TOM1L2: variants seen among roughly 807,000 people sequenced by gnomAD.
The protein encoded by TOM1L2 is TOM1-like protein 2.
TOM1L2 carries 31 observed loss-of-function variants against 67.9 expected under a neutral mutation model. The observed-to-expected ratio is 0.46, with a 90% CI of 0.34 to 0.62. The LOEUF (loss-of-function observed/expected upper bound fraction) is 0.62. Ranked by LOEUF, TOM1L2 falls within the 20% of genes least tolerant of loss-of-function variation. The probability of loss-of-function intolerance (pLI) is 0.01; values close to 1 mark genes in which losing one functional copy is unlikely to be tolerated. For synonymous variants in TOM1L2, 256 were observed against 254.0 expected (o/e 1.01, Z -0.07); for missense variants, 606 against 663.5 (o/e 0.91, Z 0.95).
At chr17:17,903,992 T>C (rs1190113477) in intron 2 of TOM1L2, among the ~76,000 whole-genome samples, 1 of 151,580 alleles carries the variant, frequency 6.6e-6, no homozygotes, top group Non-Finnish European at 1.5e-5. Context: ...CAGGAAGAGA[T>C]TATTATTATT....
chr17:17,923,873 G>A (rs1376849568), intron 1 of TOM1L2, among the ~76,000 whole-genome samples: 1 of 151,946 alleles, frequency 6.6e-6, no homozygotes, highest in Non-Finnish European at 1.5e-5. Flanking sequence ...CGCGGTGGCT[G>A]TCGCCTGTAA....
chr17:17,854,371 C>G (rs1263707686), intron 12 of TOM1L2, among the ~76,000 whole-genome samples: 1 of 152,158 alleles, frequency 6.6e-6, no homozygotes, highest in Non-Finnish European at 1.5e-5. Context: ...TGTTTCTTCC[C>G]TGCAGCTTTG....
chr17:17,938,021 C>T (rs79055068), intron 1 of TOM1L2, among the ~76,000 whole-genome samples: 2,334 of 152,304 alleles, frequency 0.015, 25 homozygotes, highest in Non-Finnish European at 0.024. Flanking sequence ...TTTTGCCATA[C>T]GGTGGCTCTG....
intron 1 of TOM1L2, among the ~76,000 whole-genome samples, chr17:17,908,151 C>T (rs8078583): frequency 0.54 from 82,684 of 151,996 alleles, 24,627 homozygotes; most frequent in East Asian, 0.94. Context: ...GGGTGTTTCA[C>T]GTACATTATT....
At chr17:17,953,426 G>A (rs956345902) in intron 1 of TOM1L2, among the ~76,000 whole-genome samples, 1 of 152,236 alleles carries the variant, frequency 6.6e-6, no homozygotes. Flanking sequence ...CCTGTAAGGT[G>A]CTAGAGACAA....
chr17:17,928,400 T>C (rs2040183906), intron 1 of TOM1L2, among the ~76,000 whole-genome samples: 1 of 152,186 alleles, frequency 6.6e-6, no homozygotes, highest in Non-Finnish European at 1.5e-5. Flanking sequence ...TAAGTGGAAA[T>C]CGGCATAGGA....
chr17:17,877,948 C>T (rs571594062), intron 7 of TOM1L2, among the ~76,000 whole-genome samples: 27 of 152,220 alleles, frequency 1.8e-4, no homozygotes, highest in African/African-American at 6.3e-4. Context: ...TGGGTCTGCT[C>T]TGGCTGTCTG....
At chr17:17,848,040 C>T (rs546731783) in intron 14 of TOM1L2, among the ~76,000 whole-genome samples, 11 of 152,158 alleles carry the variant, frequency 7.2e-5, no homozygotes, top group Non-Finnish European at 1.6e-4. Context: ...TTTTCCAGAT[C>T]AGCACTGGGT....
Position 17,869,243 on chromosome 17 carries a change from C to A in TOM1L2, c.911+97G>T. 1.3e-6 allele frequency: 2 copies of A among 1,570,114 alleles called. No individual in the cohort carries two copies. Among genetic ancestry groups the A allele is most frequent in the African/African-American group, 1.4e-5 (1 of 73,932 alleles). On this transcript the variant is annotated intron_variant, in intron 8 of 14. Transcript: ENST00000379504. ...GTATTTTCCAACTCTAATCTCTCTC[C>A]CTCTCCCTCTCTTTCCTTTGTTTAT...
chr17:17,972,181 C>T lies in TOM1L2; in HGVS notation c.52+81G>A. ...CAGCCCGCTCGTGAAGTGGCACCGG[C>T]GCCCGGCGGAGGCCCGCGGTCCTCA... is the stretch of plus-strand genomic sequence containing the variant. On this transcript the variant is annotated intron_variant, in intron 1 of 14. Coordinates refer to ENST00000379504, the MANE Select transcript of TOM1L2 (RefSeq NM_001082968.2). 4.6e-6 allele frequency: 7 copies of T among 1,517,540 alleles called. No individual in the cohort carries two copies. In the South Asian group the frequency reaches 8.4e-5, roughly 18 times the overall value. The allele number at this position is 1,517,540 out of a possible 1,614,324, so 94.0% of individuals were successfully genotyped here.
intron 7 of TOM1L2, among the ~76,000 whole-genome samples, chr17:17,870,929 G>A (rs185560860): frequency 1.2e-3 from 185 of 152,332 alleles, no homozygotes; most frequent in African/African-American, 4.3e-3. Context: ...CTGCAACACA[G>A]CACTCACACA....
chr17:17,948,979 C>G (rs149647702), intron 1 of TOM1L2, among the ~76,000 whole-genome samples: 1 of 152,122 alleles, frequency 6.6e-6, no homozygotes, highest in East Asian at 1.9e-4. Flanking sequence ...GTTAAGAGTG[C>G]CAAGCAGGGG....
chr17:17,966,051 G>T (rs2041861417), intron 1 of TOM1L2, among the ~76,000 whole-genome samples: 1 of 152,168 alleles, frequency 6.6e-6, no homozygotes, highest in Admixed American at 6.5e-5. Context: ...AACCCAGGAG[G>T]TGGAGGTTGC....
intron 7 of TOM1L2, among the ~76,000 whole-genome samples, chr17:17,873,031 C>A (rs901340139): frequency 1.3e-5 from 2 of 152,212 alleles, no homozygotes; most frequent in Non-Finnish European, 2.9e-5. Context: ...TTCAAATACA[C>A]CTCAGACTTT....
chr17:17,967,520 G>A (rs574223632), intron 1 of TOM1L2, among the ~76,000 whole-genome samples: 1 of 152,346 alleles, frequency 6.6e-6, no homozygotes, highest in South Asian at 2.1e-4. Context: ...GAAGCTTGTT[G>A]CAGAACAGAA....
intron 1 of TOM1L2, among the ~76,000 whole-genome samples, chr17:17,962,163 A>T (rs1049311521): frequency 3.9e-5 from 6 of 152,218 alleles, no homozygotes; most frequent in Non-Finnish European, 7.3e-5. Flanking sequence ...CATAATAAAT[A>T]TATGATTCCA....
At chr17:17,886,846 GGA>G (rs2038024349) in intron 4 of TOM1L2, among the ~76,000 whole-genome samples, 1 of 152,198 alleles carries the variant, frequency 6.6e-6, no homozygotes. Flanking sequence ...GGAGTGGGAG[GGA>G]AATGCACACC....
intron 12 of TOM1L2, among the ~76,000 whole-genome samples, chr17:17,852,773 G>A (rs942393247): frequency 6.7e-6 from 1 of 149,480 alleles, no homozygotes; most frequent in Non-Finnish European, 1.5e-5. Flanking sequence ...GCTGAGGCAG[G>A]AGAATCACTT....
intron 12 of TOM1L2, chr17:17,851,353 T>G (rs914843921): frequency 6.7e-6 from 2 of 297,950 alleles, no homozygotes; most frequent in Non-Finnish European, 1.3e-5. Flanking sequence ...ACTATGACAG[T>G]CCGCTGTCAA....
Sources: gnomAD v4.1 joint callset for allele counts (sites outside exome capture counted in the v4.1 genomes callset) on GRCh38, gnomAD v4.1.1 for gene constraint, MANE v1.5 for transcripts, NCBI Gene and HGNC (gene_info 2026-07-23, HGNC 2026-07-21) for gene names.